The following GPC6 variants were observed in gnomAD, a reference collection of about 807,000 sequenced individuals.
GPC6 encodes the protein glypican-6.
In GPC6, 14 loss-of-function variants were observed where a neutral mutation model predicts 55.2. The ratio of observed to expected loss-of-function variants is 0.25; its 90% confidence interval spans 0.17 to 0.40. GPC6 has a LOEUF of 0.40. GPC6 is among the 10% of genes least tolerant of loss of function. GPC6 has a pLI of 1.00. For synonymous variants in GPC6, 278 were observed against 259.6 expected (o/e 1.07, Z -0.68); for missense variants, 641 against 708.5 (o/e 0.90, Z 1.08).
In GPC6 at chr13:93,361,586, A is replaced by G. The variant is rs1019594772; in HGVS notation, c.160+133970A>G. Reference sequence around the variant, plus strand: ...AAAACGTGTATTTTCTAAATCTTCTATAATAAACAGGTACTATTAATACAT... The same window carrying G: ...AAAACGTGTATTTTCTAAATCTTCTGTAATAAACAGGTACTATTAATACAT... On this transcript the variant is annotated intron_variant, in intron 1 of 8. Transcript: ENST00000377047. 2.6e-5 allele frequency among the ~76,000 whole-genome samples: 4 copies of G among 152,330 alleles called. No homozygotes were observed. The East Asian group carries it at 5.8e-4, about 22-fold the overall frequency.
chr13:93,322,225 G>A (rs1404084936), intron 1 of GPC6, among the ~76,000 whole-genome samples: 2 of 151,978 alleles, frequency 1.3e-5, no homozygotes, highest in Non-Finnish European at 2.9e-5. Flanking sequence ...CATGGAGTTT[G>A]TTGTACAAAT....
At chr13:93,389,896 G>T (rs1875550542) in intron 1 of GPC6, among the ~76,000 whole-genome samples, 1 of 152,106 alleles carries the variant, frequency 6.6e-6, no homozygotes, top group Non-Finnish European at 1.5e-5. Flanking sequence ...GTCTGCACAT[G>T]ATATTCCTGG....
chr13:93,979,281 T>TGTGTG (rs1880664587), intron 3 of GPC6, among the ~76,000 whole-genome samples: 6 of 140,180 alleles, frequency 4.3e-5, no homozygotes, highest in Non-Finnish European at 7.7e-5. Context: ...GACACTTCTT[T>TGTGTG]TGTGTGTGTG....
At position 93,227,455 on chromosome 13, in the gene GPC6, C is replaced by T. The variant is rs1278783349; in HGVS notation, c.-2C>T. The T allele has an allele frequency of 1.2e-6, 2 of 1,613,770 alleles. No individual in the cohort carries two copies. Among genetic ancestry groups the T allele is most frequent in the East Asian group, 2.2e-5 (1 of 44,818 alleles). On this transcript the variant is annotated 5_prime_UTR_variant, in exon 1 of 9. Coordinates refer to ENST00000377047, the MANE Select transcript of GPC6 (RefSeq NM_005708.5). This position sits in a 1 kb window ranked among gnomAD's most constrained non-coding sequence, Gnocchi z 4.3. ...TACCGAGCTGGATTTGTATGTTGCA[C>T]CATGCCTTCTTGGATCGGGGCTGTG... is the stretch of plus-strand genomic sequence containing the variant.
chr13:94,053,686 T>A (rs1214463287), intron 4 of GPC6, among the ~76,000 whole-genome samples: 2 of 152,166 alleles, frequency 1.3e-5, no homozygotes, highest in Non-Finnish European at 2.9e-5. Context: ...TCTATATATG[T>A]AACTCCAGGT....
intron 3 of GPC6, among the ~76,000 whole-genome samples, chr13:93,994,973 G>A (rs188257540): frequency 1.1e-4 from 17 of 152,226 alleles, no homozygotes; most frequent in Admixed American, 6.5e-4. Context: ...TAAATAAGCT[G>A]TGGGCTTTCA....
intron 1 of GPC6, among the ~76,000 whole-genome samples, chr13:93,321,249 A>G (rs973874749): frequency 6.6e-6 from 1 of 152,174 alleles, no homozygotes; most frequent in African/African-American, 2.4e-5. Context: ...CAGCCTTCCC[A>G]GTGCCTAATT....
At chr13:93,852,003 T>C (rs999881838) in intron 3 of GPC6, among the ~76,000 whole-genome samples, 4 of 151,768 alleles carry the variant, frequency 2.6e-5, no homozygotes, top group Non-Finnish European at 5.9e-5. Context: ...TAGTCTATAA[T>C]ATCACAGTTT....
intron 1 of GPC6, among the ~76,000 whole-genome samples, chr13:93,310,384 T>C (rs1288642057): frequency 6.6e-6 from 1 of 152,198 alleles, no homozygotes; most frequent in Admixed American, 6.5e-5. Context: ...GACTTTTTTG[T>C]TGAAGCCTCT....
chr13:93,490,535 A>G (rs145675286), intron 1 of GPC6, among the ~76,000 whole-genome samples: 2,252 of 26,368 alleles, frequency 0.085, 113 homozygotes, highest in African/African-American at 0.23. Context: ...TTTTATTATT[A>G]TACTTTAAGT....
At chr13:93,737,041 G>C (rs544547605) in intron 2 of GPC6, among the ~76,000 whole-genome samples, 1 of 152,304 alleles carries the variant, frequency 6.6e-6, no homozygotes, top group East Asian at 1.9e-4. Context: ...CAGGCATTCT[G>C]TGTCCACCTT....
chr13:93,662,670 T>C (rs1031873117), intron 2 of GPC6, among the ~76,000 whole-genome samples: 2 of 151,936 alleles, frequency 1.3e-5, no homozygotes, highest in African/African-American at 4.8e-5. Context: ...AAAAAACTTC[T>C]ACATTTCAAG....
intron 6 of GPC6, among the ~76,000 whole-genome samples, chr13:94,333,974 A>G (rs1385341838): frequency 6.6e-6 from 1 of 152,186 alleles, no homozygotes; most frequent in Non-Finnish European, 1.5e-5. Context: ...AAAAAATGAA[A>G]TGACAACTTT....
intron 5 of GPC6, among the ~76,000 whole-genome samples, chr13:94,293,890 C>A (rs1438661616): frequency 6.6e-6 from 1 of 152,120 alleles, no homozygotes; most frequent in African/African-American, 2.4e-5. Context: ...GAGGAGCCAG[C>A]CATTTAAGGG....
intron 2 of GPC6, among the ~76,000 whole-genome samples, chr13:93,660,538 A>T (rs1335618202): frequency 1.3e-5 from 2 of 152,198 alleles, no homozygotes; most frequent in Non-Finnish European, 2.9e-5. Context: ...TCATGGACCT[A>T]TGATTCTGGA....
chr13:93,533,368 T>C (rs1430257091), intron 1 of GPC6, among the ~76,000 whole-genome samples: 1 of 152,190 alleles, frequency 6.6e-6, no homozygotes, highest in Non-Finnish European at 1.5e-5. Context: ...TCCACCTGTT[T>C]CCTTAGGTGT....
rs186786558 is a variant in GPC6 at position 93,311,151 on chromosome 13, C to A, written c.160+83535C>A. Among the ~76,000 whole-genome samples, 4 of 152,276 alleles carry A rather than the reference C, an allele frequency of 2.6e-5. No individual in the cohort carries two copies. The East Asian group carries it at 7.7e-4, about 29-fold the overall frequency. On this transcript the variant is annotated intron_variant, in intron 1 of 8. Coordinates refer to ENST00000377047, the MANE Select transcript of GPC6 (RefSeq NM_005708.5). ...CGGCATCAGAAAGGGTAGGGCAATG[C>A]CAGCTGGGACTCACTATGCTTATGG...
chr13:94,012,565 G>A (rs973206344), intron 3 of GPC6, among the ~76,000 whole-genome samples: 1 of 152,078 alleles, frequency 6.6e-6, no homozygotes, highest in Admixed American at 6.6e-5. Flanking sequence ...TTTATGTTTT[G>A]TACATCCAGA....
intron 6 of GPC6, among the ~76,000 whole-genome samples, chr13:94,372,579 G>C (rs1386539369): frequency 6.6e-6 from 1 of 152,082 alleles, no homozygotes; most frequent in East Asian, 1.9e-4. Flanking sequence ...ACGGAGTCTC[G>C]CTGATTGCTA....
Sources: gnomAD v4.1 joint callset for allele counts (sites outside exome capture counted in the v4.1 genomes callset) on GRCh38, gnomAD v4.1.1 for gene constraint, Gnocchi (gnomAD v3.1) non-coding constraint, MANE v1.5 for transcripts, NCBI Gene and HGNC (gene_info 2026-07-23, HGNC 2026-07-21) for gene names.